Variants in NCOR1 observed in about 807,000 individuals in gnomAD.
NCOR1 encodes the protein nuclear receptor corepressor 1.
A neutral mutation model predicts 288.1 loss-of-function variants in NCOR1; 63 were observed. The ratio of observed to expected loss-of-function variants is 0.22; its 90% confidence interval spans 0.18 to 0.27. NCOR1 has a LOEUF of 0.27. Among genes scored for constraint, NCOR1 ranks in the 10% least tolerant of loss-of-function variants. NCOR1 has a pLI of 1.00. For synonymous variants in NCOR1, 1,007 were observed against 1,065.9 expected (o/e 0.94, Z 1.08); for missense variants, 2,397 against 3,019.2 (o/e 0.79, Z 4.83).
intron 1 of NCOR1, among the ~76,000 whole-genome samples, chr17:16,208,916 CAT>C (rs963019064): frequency 3.3e-5 from 5 of 152,142 alleles, no homozygotes; most frequent in South Asian, 2.1e-4. Flanking sequence ...GAAATTTCTA[CAT>C]GTTTTTTAAT....
In NCOR1 at chr17:16,031,193, G is replaced by C. The variant is rs1381733077; in HGVS notation, c.*1103C>G. On this transcript the variant is annotated 3_prime_UTR_variant, in exon 46 of 46. Transcript: ENST00000268712. ...AACTCTTGTCCCAAGGGAGCAAAGTGAGAGTAAATGCTGGTCCATAGTGAT... is the reference window on the plus strand; with the variant it reads ...AACTCTTGTCCCAAGGGAGCAAAGTCAGAGTAAATGCTGGTCCATAGTGAT... The C allele has an allele frequency of 1.0e-5, 2 of 199,458 alleles. No homozygotes were observed. The highest frequency in any genetic ancestry group is 7.8e-5 in the East Asian group (1 of 12,892). 12.4% of individuals were successfully genotyped at this position (199,458 alleles called of 1,614,324 possible). A position where few individuals can be genotyped will look rare whatever the true frequency, so the allele number is the denominator to read the frequency against.
chr17:16,170,475 T>C (rs748704033), intron 4 of NCOR1, among the ~76,000 whole-genome samples: 10 of 152,206 alleles, frequency 6.6e-5, no homozygotes, highest in African/African-American at 1.4e-4. Flanking sequence ...ATATTTATTC[T>C]GTATCTACTA....
chr17:16,032,843 G>T (rs560594534), intron 45 of NCOR1, among the ~76,000 whole-genome samples: 2 of 152,230 alleles, frequency 1.3e-5, no homozygotes, highest in African/African-American at 4.8e-5. Context: ...CAAGAGAAAT[G>T]CAAGAGTATA....
At chr17:16,189,915 G>A (rs192675288) in intron 2 of NCOR1, among the ~76,000 whole-genome samples, 18 of 152,262 alleles carry the variant, frequency 1.2e-4, no homozygotes, top group Admixed American at 7.2e-4. Context: ...GGAAAATAAC[G>A]TTGAAGCTAC....
chr17:16,102,624 C>T (rs1042350645), intron 19 of NCOR1, among the ~76,000 whole-genome samples: 14 of 148,654 alleles, frequency 9.4e-5, no homozygotes, highest in Admixed American at 3.4e-4. Context: ...GGCAGAGTCT[C>T]GCTCTGTCAC....
At chr17:16,169,267 A>AC (rs2082652734) in intron 4 of NCOR1, among the ~76,000 whole-genome samples, 1 of 151,542 alleles carries the variant, frequency 6.6e-6, no homozygotes, top group Admixed American at 6.6e-5. Context: ...GAGCAGCAAA[A>AC]AAACAACAAC....
At chr17:16,064,661 T>A (rs2060925428) in intron 34 of NCOR1, among the ~76,000 whole-genome samples, 1 of 150,532 alleles carries the variant, frequency 6.6e-6, no homozygotes, top group Admixed American at 6.6e-5. Flanking sequence ...TTATTAAGAG[T>A]CCTGGATAAG....
intron 1 of NCOR1, among the ~76,000 whole-genome samples, chr17:16,205,903 C>G (rs983751395): frequency 6.7e-6 from 1 of 148,900 alleles, no homozygotes; most frequent in Non-Finnish European, 1.5e-5. Flanking sequence ...AGCCATTGCA[C>G]TCTAGCCTGG....
chr17:16,056,847 AATATATATGTGTGTGTGTGCAT>A (rs2059983937), intron 40 of NCOR1: 1 of 151,946 alleles, frequency 6.6e-6, no homozygotes, highest in South Asian at 2.1e-4. Context: ...GTCACCTTAA[AATATATATGTGTGTGTGTGCAT>A]ATATATATGT....
At chr17:16,130,214 T>TAAAG (rs1323552786) in intron 14 of NCOR1, among the ~76,000 whole-genome samples, 1 of 152,192 alleles carries the variant, frequency 6.6e-6, no homozygotes, top group Non-Finnish European at 1.5e-5. Flanking sequence ...GCAATATGCA[T>TAAAG]AAAGACCTAT....
At chr17:16,181,006 A>G (rs1451923810) in intron 3 of NCOR1, among the ~76,000 whole-genome samples, 2 of 152,158 alleles carry the variant, frequency 1.3e-5, no homozygotes, top group African/African-American at 4.8e-5. Flanking sequence ...TAAAAATACA[A>G]AAAGTAGCTG....
intron 1 of NCOR1, among the ~76,000 whole-genome samples, chr17:16,207,552 T>C (rs951575663): frequency 6.6e-6 from 1 of 151,832 alleles, no homozygotes; most frequent in African/African-American, 2.4e-5. Flanking sequence ...CCATCCTGGC[T>C]AACACAGTGA....
At chr17:16,126,350 G>A (rs1396017259) in intron 14 of NCOR1, 144 bp from the exon 15 acceptor site, 2 of 804,026 alleles carry the variant, frequency 2.5e-6, no homozygotes, top group South Asian at 2.8e-5. Flanking sequence ...TTAAAAACCA[G>A]TCTAGAGGTT....
intron 1 of NCOR1, among the ~76,000 whole-genome samples, chr17:16,210,794 A>G (rs932300608): frequency 6.6e-6 from 1 of 151,612 alleles, no homozygotes; most frequent in Non-Finnish European, 1.5e-5. Flanking sequence ...CAGTGGCGCA[A>G]TCTCGGCTTA....
intron 19 of NCOR1, among the ~76,000 whole-genome samples, chr17:16,106,117 AC>A (rs1397960596): frequency 6.6e-6 from 1 of 151,946 alleles, no homozygotes; most frequent in Non-Finnish European, 1.5e-5. Flanking sequence ...AAACAAACAA[AC>A]CAACAAACAA....
intron 27 of NCOR1, among the ~76,000 whole-genome samples, chr17:16,074,240 T>C (rs2062111205): frequency 6.6e-6 from 1 of 151,954 alleles, no homozygotes; most frequent in Non-Finnish European, 1.5e-5. Context: ...AAGGTAGGGG[T>C]TTGCAGTTAT....
rs187514988 is a variant in NCOR1, at chr17:16,140,481, T to C, written c.1174-1295A>G. On this transcript the variant is annotated intron_variant, in intron 11 of 45. Coordinates refer to ENST00000268712, the MANE Select transcript of NCOR1 (RefSeq NM_006311.4). ...GAGTCCAAGTCTAATCTGGGCAGTATAGTGAGACCCCATCTCTACAAAATA... is the reference window on the plus strand; with the variant it reads ...GAGTCCAAGTCTAATCTGGGCAGTACAGTGAGACCCCATCTCTACAAAATA... Among the ~76,000 whole-genome samples, 25 of 152,268 alleles carry C rather than the reference T, an allele frequency of 1.6e-4. No individual in the cohort carries two copies. The East Asian group carries it at 1.7e-3, about 11-fold the overall frequency.
rs2092464886 is a variant in NCOR1 at position 16,215,363 on chromosome 17, G to A, written c.-72C>T. 2.5e-6 allele frequency: 1 copy of A among 394,024 alleles called. No individual in the cohort carries two copies. Among genetic ancestry groups the A allele is most frequent in the Admixed American group, 4.4e-5 (1 of 22,548 alleles). The allele number at this position is 394,024 out of a possible 1,614,324, so 24.4% of individuals were successfully genotyped here. A position where few individuals can be genotyped will look rare whatever the true frequency, so the allele number is the denominator to read the frequency against. On this transcript the variant is annotated splice_region_variant and 5_prime_UTR_variant, in exon 1 of 46. Coordinates refer to ENST00000268712, the MANE Select transcript of NCOR1 (RefSeq NM_006311.4). Reference sequence around the variant, plus strand: ...TTGCAGGCGCCAGGGCCTACTCACCGGGAGCTGGCTAAGCGTGGGAGCCGA... The same window carrying A: ...TTGCAGGCGCCAGGGCCTACTCACCAGGAGCTGGCTAAGCGTGGGAGCCGA...
Position 16,178,689 on chromosome 17 carries a change from T to C in NCOR1, c.243-6694A>G, listed in dbSNP as rs772351445. ...GTTTTTGACAATAGCTGTATGTCTT[T>C]TCTTATTTATAAAAGGGTAAATTTT... is the stretch of plus-strand genomic sequence containing the variant. On this transcript the variant is annotated intron_variant, in intron 3 of 45. Coordinates refer to ENST00000268712, the MANE Select transcript of NCOR1 (RefSeq NM_006311.4). Among the ~76,000 whole-genome samples the C allele has an allele frequency of 9.9e-5, 15 of 152,240 alleles. No individual in the cohort carries two copies. In the Middle Eastern group the frequency reaches 0.014, roughly 138 times the overall value.
Sources: gnomAD v4.1 joint callset for allele counts (sites outside exome capture counted in the v4.1 genomes callset) on GRCh38, gnomAD v4.1.1 for gene constraint, MANE v1.5 for transcripts, NCBI Gene and HGNC (gene_info 2026-07-23, HGNC 2026-07-21) for gene names.